DGKB: variants seen among roughly 807,000 people sequenced by gnomAD.
DGKB encodes the protein 90 kDa diacylglycerol kinase.
A neutral mutation model predicts 114.3 loss-of-function variants in DGKB; 67 were observed. The ratio of observed to expected loss-of-function variants is 0.59; its 90% CI spans 0.48 to 0.72. The LOEUF (loss-of-function observed/expected upper bound fraction) is 0.72. Among genes scored for constraint, DGKB ranks in the 30% least tolerant of loss-of-function variants. DGKB has a pLI of 0.00. For synonymous variants in DGKB, 398 were observed against 323.1 expected, an observed-to-expected ratio of 1.23 and a Z score of -2.49; for missense variants, 907 against 975.2, an observed-to-expected ratio of 0.93 and a Z score of 0.93.
intron 20 of DGKB, among the ~76,000 whole-genome samples, chr7:14,492,167 A>T (rs1784686269): frequency 6.6e-6 from 1 of 152,104 alleles, no homozygotes; most frequent in African/African-American, 2.4e-5. Context: ...CTATAAGGGG[A>T]AATTGCTCCT....
At chr7:14,187,649 G>T (rs372936234) in intron 23 of DGKB, among the ~76,000 whole-genome samples, 2 of 152,048 alleles carry the variant, frequency 1.3e-5, no homozygotes, top group Non-Finnish European at 2.9e-5. Flanking sequence ...GTACTGAGTC[G>T]ACCTAGAGCT....
intron 25 of DGKB, among the ~76,000 whole-genome samples, chr7:14,158,826 G>C (rs140192848): frequency 2.6e-4 from 39 of 152,170 alleles, no homozygotes; most frequent in African/African-American, 8.9e-4. Context: ...TGTTCAAAAT[G>C]ATCCAGAAAC....
chr7:14,824,211 AGAT>A (rs1438762864), intron 2 of DGKB, among the ~76,000 whole-genome samples: 3 of 152,212 alleles, frequency 2.0e-5, no homozygotes, highest in Non-Finnish European at 4.4e-5. Flanking sequence ...CTACAATTCA[AGAT>A]GAGATTTGGG....
intron 21 of DGKB, among the ~76,000 whole-genome samples, chr7:14,454,689 A>G (rs918670356): frequency 6.6e-6 from 1 of 152,158 alleles, no homozygotes; most frequent in Admixed American, 6.6e-5. Context: ...ATCACCTAAT[A>G]TTTCTGACAC....
chr7:14,590,585 A>G (rs1161985386), intron 17 of DGKB, among the ~76,000 whole-genome samples: 3 of 152,186 alleles, frequency 2.0e-5, no homozygotes, highest in East Asian at 3.9e-4. Context: ...TAATCGGAAA[A>G]TTTGACCTCT....
chr7:14,482,254 T>A (rs1416749028), intron 20 of DGKB, among the ~76,000 whole-genome samples: 2 of 152,054 alleles, frequency 1.3e-5, no homozygotes, highest in African/African-American at 4.8e-5. Context: ...TAACTATTAC[T>A]ATTACTGAAA....
chr7:14,669,099 G>T (rs1417296210), intron 13 of DGKB, among the ~76,000 whole-genome samples: 1 of 152,016 alleles, frequency 6.6e-6, no homozygotes, highest in Non-Finnish European at 1.5e-5. Flanking sequence ...TACACATCTT[G>T]CACCATCCTC....
At chr7:14,287,646 G>GACA (rs1475938756) in intron 23 of DGKB, among the ~76,000 whole-genome samples, 1 of 152,122 alleles carries the variant, frequency 6.6e-6, no homozygotes, top group African/African-American at 2.4e-5. Flanking sequence ...GGAATACACA[G>GACA]ACAACTGATA....
chr7:14,481,926 G>C (rs1028036689), intron 20 of DGKB, among the ~76,000 whole-genome samples: 2 of 151,920 alleles, frequency 1.3e-5, no homozygotes, highest in Admixed American at 1.3e-4. Context: ...ACTTCAAAAA[G>C]TTTTGTCAAA....
In DGKB at chr7:14,685,499, C is replaced by T. The variant is rs953787905; in HGVS notation, c.712-137G>A. On this transcript the variant is annotated intron_variant, in intron 9 of 25. Coordinates refer to ENST00000402815, the MANE Select transcript of DGKB (RefSeq NM_001350709.2). ...TCATCCCTGACTTTCTCCAAGATCA[C>T]CGCAGAGCCTTTAGAAAAACACATG... 4.7e-6 allele frequency: 3 copies of T among 643,122 alleles called. No homozygotes were observed. The African/African-American group carries it at 5.5e-5, about 12-fold the overall frequency. 39.8% of individuals were successfully genotyped at this position (643,122 alleles called of 1,614,324 possible).
rs74479796 is a variant in DGKB at position 14,543,181 on chromosome 7, G to A, written c.1770+31031C>T. Among the ~76,000 whole-genome samples, 487 of 152,246 alleles carry A rather than the reference G, an allele frequency of 3.2e-3. 8 individuals are homozygous for A. The highest frequency in any genetic ancestry group is 0.025 in the Admixed American group (379 of 15,276). Reference sequence around the variant, plus strand: ...AAGAAAGACCATGGCCAGGCATAGTGGCTCACACCTGTAATCCCCACACTT... The same window carrying A: ...AAGAAAGACCATGGCCAGGCATAGTAGCTCACACCTGTAATCCCCACACTT... On this transcript the variant is annotated intron_variant, in intron 20 of 25. Coordinates refer to ENST00000402815, the MANE Select transcript of DGKB (RefSeq NM_001350709.2).
chr7:14,948,266 G>C (rs1240627256), intron 1 of DGKB, among the ~76,000 whole-genome samples: 1 of 151,584 alleles, frequency 6.6e-6, no homozygotes, highest in Admixed American at 6.6e-5. Flanking sequence ...ACAACTCTTA[G>C]CCCTTGTCTT....
At chr7:14,353,509 A>G (rs1813869892) in intron 21 of DGKB, among the ~76,000 whole-genome samples, 1 of 152,212 alleles carries the variant, frequency 6.6e-6, no homozygotes, top group Admixed American at 6.5e-5. Flanking sequence ...AAGACAAGGG[A>G]AACCCAGAGA....
At chr7:14,458,507 C>T (rs1022812352) in intron 21 of DGKB, among the ~76,000 whole-genome samples, 1 of 152,072 alleles carries the variant, frequency 6.6e-6, no homozygotes, top group Non-Finnish European at 1.5e-5. Context: ...CCCAGCTCCT[C>T]TCATTTGGAC....
At chr7:14,179,497 C>T (rs74530769) in intron 23 of DGKB, among the ~76,000 whole-genome samples, 2,033 of 152,192 alleles carry the variant, frequency 0.013, 137 homozygotes, top group Admixed American at 0.11. Context: ...TATTTGAGGT[C>T]GGACTCATAG....
In DGKB at chr7:14,726,529, T is replaced by G. The variant is rs141932218; in HGVS notation, c.323-7844A>C. Among the ~76,000 whole-genome samples, 117 of 152,238 alleles carry G rather than the reference T, an allele frequency of 7.7e-4. 1 individual carries two copies. The highest frequency in any genetic ancestry group is 2.6e-3 in the African/African-American group (110 of 41,534). On this transcript the variant is annotated intron_variant, in intron 5 of 25. Coordinates refer to ENST00000402815, the MANE Select transcript of DGKB (RefSeq NM_001350709.2). ...TCTTCTGCCTCTCAATAAAAGACCT[T>G]TGTTTTAAGAGTCTGGTTTTCAAGA...
intron 15 of DGKB, among the ~76,000 whole-genome samples, chr7:14,614,681 G>A (rs1361412953): frequency 6.6e-6 from 1 of 151,896 alleles, no homozygotes; most frequent in African/African-American, 2.4e-5. Flanking sequence ...ATAGGCAATG[G>A]GGAAATGTTA....
At chr7:14,946,246 T>C (rs1045352299) in intron 1 of DGKB, among the ~76,000 whole-genome samples, 1 of 151,680 alleles carries the variant, frequency 6.6e-6, no homozygotes, top group African/African-American at 2.4e-5. Context: ...TTTTTCACAA[T>C]CTGCTTAACA....
At chr7:14,551,704 T>G (rs1427377847) in intron 20 of DGKB, among the ~76,000 whole-genome samples, 1 of 152,108 alleles carries the variant, frequency 6.6e-6, no homozygotes, top group Non-Finnish European at 1.5e-5. Flanking sequence ...CTCAGAGACA[T>G]AAGAGGTGGG....
Sources: allele counts gnomAD v4.1 joint callset (sites outside exome capture counted in the v4.1 genomes callset), GRCh38; gene constraint gnomAD v4.1.1; transcripts MANE v1.5; gene names NCBI Gene and HGNC (gene_info 2026-07-23, HGNC 2026-07-21).